Variants in RXFP1 observed in about 807,000 individuals in gnomAD.
The protein encoded by RXFP1 is relaxin receptor 1.
A neutral mutation model predicts 89.8 loss-of-function variants in RXFP1; 73 were observed. That is an observed-to-expected ratio of 0.81 (90% CI 0.67 to 0.99). The LOEUF is 0.99. Among genes scored for constraint, RXFP1 ranks in the 50% least tolerant of loss-of-function variants. The pLI, the probability that RXFP1 is intolerant of heterozygous loss-of-function variation, is 0.00. For synonymous variants in RXFP1, 277 were observed against 305.5 expected, an observed-to-expected ratio of 0.91 and a Z score of 0.97; for missense variants, 793 against 895.5, an observed-to-expected ratio of 0.89 and a Z score of 1.46.
chr4:158,568,537 C>G (rs529280452), intron 1 of RXFP1, among the ~76,000 whole-genome samples: 18 of 152,252 alleles, frequency 1.2e-4, no homozygotes, highest in African/African-American at 3.4e-4. Context: ...AAAAGTTAGT[C>G]TCAACACAGA....
At chr4:158,585,769 A>G (rs1315315457) in intron 2 of RXFP1, among the ~76,000 whole-genome samples, 1 of 152,250 alleles carries the variant, frequency 6.6e-6, no homozygotes, top group African/African-American at 2.4e-5. Context: ...ATAAAGAGAT[A>G]AAATATATAC....
chr4:158,565,885 C>T (rs190971514), intron 1 of RXFP1, among the ~76,000 whole-genome samples: 3 of 152,286 alleles, frequency 2.0e-5, no homozygotes, highest in East Asian at 1.9e-4. Flanking sequence ...TCTTGTACTA[C>T]CTGACAGGTT....
intron 1 of RXFP1, among the ~76,000 whole-genome samples, chr4:158,547,402 T>G (rs1748751896): frequency 1.3e-5 from 2 of 152,336 alleles, no homozygotes; most frequent in Middle Eastern, 3.4e-3. Context: ...AAAAACGAGC[T>G]CCTGGATTCA....
At chr4:158,641,609 A>G (rs1770391798) in intron 14 of RXFP1, among the ~76,000 whole-genome samples, 1 of 152,206 alleles carries the variant, frequency 6.6e-6, no homozygotes, top group African/African-American at 2.4e-5. Flanking sequence ...ATATAACCGA[A>G]TGGGGAAATA....
At position 158,641,860 on chromosome 4, in the gene RXFP1, G is replaced by A. The variant is rs76605749; in HGVS notation, c.1115+2529G>A. On this transcript the variant is annotated intron_variant, in intron 14 of 17. Transcript: ENST00000307765. ...TTAATGATGCTAACACCTACCTCAC[G>A]GAATTCATTTGAGAACTTATTTCTG... is the stretch of plus-strand genomic sequence containing the variant. Among the ~76,000 whole-genome samples, 24 of 152,208 alleles carry A rather than the reference G, an allele frequency of 1.6e-4. No individual in the cohort carries two copies. The East Asian group carries it at 3.3e-3, about 21-fold the overall frequency.
chr4:158,641,947 A>G (rs1770457297), intron 14 of RXFP1, among the ~76,000 whole-genome samples: 1 of 152,216 alleles, frequency 6.6e-6, no homozygotes, highest in African/African-American at 2.4e-5. Context: ...GTAATTATAA[A>G]TTATCCACAT....
At chr4:158,580,472 C>T (rs1259788188) in intron 2 of RXFP1, among the ~76,000 whole-genome samples, 1 of 152,180 alleles carries the variant, frequency 6.6e-6, no homozygotes, top group Non-Finnish European at 1.5e-5. Context: ...GCACTTCCCT[C>T]CCTGCCTCCC....
At chr4:158,645,270 T>C (rs1232582114) in intron 15 of RXFP1, 132 bp downstream of exon 15, 1 of 650,886 alleles carries the variant, frequency 1.5e-6, no homozygotes. Flanking sequence ...TATGCTGTTT[T>C]CACATTTTCT....
rs200265179 is a variant in RXFP1 at position 158,646,957 on chromosome 4, A to G, written c.1512A>G (p.Thr504=). ...CAGAAGTATCAGTTTTACTGTTAAC[A>G]TTTCTGACATTGGAAAAATACATCT... ...LSTEVSVLLL[T]FLTLEKYICI... is the part of the protein sequence containing the mutation. The change falls in exon 16 of 18, where the codon ACA becomes ACG. Residue 504 remains threonine, a synonymous_variant. Coordinates refer to ENST00000307765, the MANE Select transcript of RXFP1 (RefSeq NM_021634.4). The G allele has an allele frequency of 1.1e-5, 17 of 1,614,162 alleles. No homozygotes were observed. The East Asian group carries it at 3.6e-4, about 34-fold the overall frequency.
At chr4:158,528,981 G>A (rs767290014) in intron 1 of RXFP1, among the ~76,000 whole-genome samples, 3 of 152,344 alleles carry the variant, frequency 2.0e-5, no homozygotes, top group Admixed American at 1.3e-4. Flanking sequence ...GGCCCTGGTC[G>A]TAGGGAGTCG....
intron 9 of RXFP1, 95 bp downstream of exon 9, chr4:158,617,300 AATG>A: frequency 2.2e-6 from 2 of 924,518 alleles, no homozygotes; most frequent in African/African-American, 3.4e-5. Flanking sequence ...TTTTCTTAAA[AATG>A]ATAAGGGTTT....
chr4:158,635,558 T>C lies in RXFP1; in HGVS notation c.971+2082T>C, dbSNP rs570253749. 3.3e-5 allele frequency among the ~76,000 whole-genome samples: 5 copies of C among 152,352 alleles called. No homozygotes were observed. The East Asian group carries it at 9.6e-4, about 29-fold the overall frequency. On this transcript the variant is annotated intron_variant, in intron 12 of 17. Coordinates refer to ENST00000307765, the MANE Select transcript of RXFP1 (RefSeq NM_021634.4). Reference sequence around the variant, plus strand: ...TCTAATTAGGACTTCCAACATTATGTTGAATGAAAGTGGTAAAAGCAGGAA... The same window carrying C: ...TCTAATTAGGACTTCCAACATTATGCTGAATGAAAGTGGTAAAAGCAGGAA...
chr4:158,646,842 TA>T lies in RXFP1; in HGVS notation c.1400del (p.Lys467SerfsTer22). 1.9e-6 allele frequency: 3 copies of T among 1,614,090 alleles called. No homozygotes were observed. Among genetic ancestry groups the T allele is most frequent in the Non-Finnish European group, 2.5e-6 (3 of 1,179,946 alleles). ...IYLFVIGGFD[L>X]KFRGEYNKHA... is the part of the protein sequence containing the mutation. ...TTATTCGTGATCGGAGGCTTTGACC[TA>T]AAGTTTCGTGGAGAATACAATAAGC... On this transcript the variant is annotated frameshift_variant, in exon 16 of 18. Transcript: ENST00000307765. LOFTEE classifies it high-confidence loss of function.
At position 158,543,715 on chromosome 4, in the gene RXFP1, T is replaced by C. The variant is rs1480169498; in HGVS notation, c.49+21690T>C. 22 of 963,784 alleles carry C rather than the reference T, an allele frequency of 2.3e-5. No individual in the cohort carries two copies. The East Asian group carries it at 1.1e-3, about 50-fold the overall frequency. 59.7% of individuals were successfully genotyped at this position (963,784 alleles called of 1,614,324 possible). ...TTTTTCTTCATTTATCTTCTCTCCC[T>C]AGTACTTCCTCCTGAAGAATGAACT... On this transcript the variant is annotated intron_variant, in intron 1 of 17. Transcript: ENST00000307765.
At chr4:158,544,759 C>T (rs1180689457) in intron 1 of RXFP1, among the ~76,000 whole-genome samples, 3 of 152,046 alleles carry the variant, frequency 2.0e-5, no homozygotes, top group Admixed American at 2.0e-4. Context: ...CATCCATGTC[C>T]CTAAAAAGGA....
At chr4:158,628,749 C>A in intron 11 of RXFP1, 40 bp downstream of exon 11, 2 of 1,154,686 alleles carry the variant, frequency 1.7e-6, no homozygotes, top group East Asian at 2.5e-5. Context: ...AATTTTCTTT[C>A]TACTGTTTTT....
rs1218716604 is a variant in RXFP1 at position 158,542,100 on chromosome 4, TATATATA to T, written c.49+20076_49+20082del. Among the ~76,000 whole-genome samples, 245 of 45,650 alleles carry T rather than the reference TATATATA, an allele frequency of 5.4e-3. 23 individuals carry two copies. Among genetic ancestry groups the T allele is most frequent in the South Asian group, 0.028 (24 of 866 alleles). 29.9% of individuals were successfully genotyped at this position (45,650 alleles called of 152,430 possible). On this transcript the variant is annotated intron_variant, in intron 1 of 17. Transcript: ENST00000307765. ...ATGGCTATATATATATATATATATA[TATATATA>T]TATTTTTTTTTTAGTAGAGACAGGG...
At chr4:158,527,564 A>AAAAAATAAATAT (rs5741905) in intron 1 of RXFP1, among the ~76,000 whole-genome samples, 1 of 98,338 alleles carries the variant, frequency 1.0e-5, no homozygotes, top group Non-Finnish European at 2.0e-5. Context: ...AAAAAAAAAA[A>AAAAAATAAATAT]ATATATATAT....
intron 9 of RXFP1, among the ~76,000 whole-genome samples, chr4:158,621,952 T>C (rs1765703849): frequency 6.6e-6 from 1 of 152,222 alleles, no homozygotes; most frequent in Non-Finnish European, 1.5e-5. Context: ...GGAATTCTTG[T>C]GCACTGTGGA....
Sources: allele counts gnomAD v4.1 joint callset (sites outside exome capture counted in the v4.1 genomes callset), GRCh38; gene constraint gnomAD v4.1.1; transcripts MANE v1.5; gene names NCBI Gene and HGNC (gene_info 2026-07-23, HGNC 2026-07-21).